The following SGCZ variants were observed in gnomAD, a reference collection of about 807,000 sequenced individuals.
SGCZ encodes the protein sarcoglycan zeta, also known as zeta-sarcoglycan.
In SGCZ, 40 loss-of-function variants were observed where a neutral mutation model predicts 41.3. The ratio of observed to expected loss-of-function variants is 0.97; its 90% CI spans 0.75 to 1.26. The LOEUF (loss-of-function observed/expected upper bound fraction) is 1.26. Among genes scored for constraint, SGCZ ranks in the 50% most tolerant of loss-of-function variants. The pLI is 0.00. For missense variants in SGCZ, 552 were observed against 369.8 expected, an observed-to-expected ratio of 1.49 and a Z score of -4.04; for synonymous variants, 206 against 137.5, an observed-to-expected ratio of 1.50 and a Z score of -3.49.
intron 1 of SGCZ, among the ~76,000 whole-genome samples, chr8:15,167,936 G>A (rs1204957207): frequency 2.0e-5 from 3 of 152,122 alleles, no homozygotes; most frequent in African/African-American, 4.8e-5. Flanking sequence ...AATAAATAGG[G>A]TGCCCATCAC....
intron 1 of SGCZ, among the ~76,000 whole-genome samples, chr8:14,748,524 T>C (rs1799404154): frequency 6.6e-6 from 1 of 152,142 alleles, no homozygotes; most frequent in Admixed American, 6.6e-5. Context: ...TTACAAAATA[T>C]GACTCTGCTT....
At chr8:14,425,977 C>T (rs1239317697) in intron 2 of SGCZ, among the ~76,000 whole-genome samples, 1 of 151,958 alleles carries the variant, frequency 6.6e-6, no homozygotes, top group Non-Finnish European at 1.5e-5. Context: ...TTTTAAAGCA[C>T]TTATGTACCT....
chr8:14,409,281 G>T (rs556617794), intron 2 of SGCZ, among the ~76,000 whole-genome samples: 1 of 152,092 alleles, frequency 6.6e-6, no homozygotes, highest in African/African-American at 2.4e-5. Flanking sequence ...ACTTTCTCCT[G>T]AAGATTTTCA....
intron 1 of SGCZ, among the ~76,000 whole-genome samples, chr8:14,575,705 G>C (rs1041872037): frequency 6.6e-6 from 1 of 151,888 alleles, no homozygotes; most frequent in Non-Finnish European, 1.5e-5. Flanking sequence ...TCAGGAGTTC[G>C]AGATCAGCCT....
intron 2 of SGCZ, among the ~76,000 whole-genome samples, chr8:14,350,193 A>G (rs1440780263): frequency 6.6e-6 from 1 of 152,086 alleles, no homozygotes; most frequent in East Asian, 1.9e-4. Flanking sequence ...TGGAGACATT[A>G]ATCTGTTTAT....
At chr8:14,309,059 C>T in intron 3 of SGCZ, 2 of 1,383,144 alleles carry the variant, frequency 1.4e-6, no homozygotes, top group Non-Finnish European at 2.0e-6. Flanking sequence ...TCTTAATTCC[C>T]CAACTACAGA....
At chr8:15,073,474 GT>G (rs1221116661) in intron 1 of SGCZ, among the ~76,000 whole-genome samples, 3 of 152,152 alleles carry the variant, frequency 2.0e-5, no homozygotes, top group Admixed American at 6.5e-5. Flanking sequence ...TTACATTTAT[GT>G]GTCAGCCTGG....
At chr8:14,707,004 G>C (rs149457101) in intron 1 of SGCZ, among the ~76,000 whole-genome samples, 67 of 150,000 alleles carry the variant, frequency 4.5e-4, no homozygotes, top group African/African-American at 1.6e-3. Flanking sequence ...TTAAGAGCAG[G>C]AGTGAAAGTT....
In SGCZ at chr8:14,669,220, T is replaced by C. The variant is rs572240179; in HGVS notation, c.40-114294A>G. Among the ~76,000 whole-genome samples the C allele has an allele frequency of 2.4e-3, 360 of 149,822 alleles. 2 individuals are homozygous for C. The highest frequency in any genetic ancestry group is 4.4e-3 in the Non-Finnish European group (297 of 67,398). On this transcript the variant is annotated intron_variant, in intron 1 of 7. Transcript: ENST00000382080. ...ATATATATATATATATAGCTGGGCA[T>C]AGTAGCTTGCACCTGTAATCCCAGC...
chr8:14,432,978 A>G (rs1799988562), intron 2 of SGCZ, among the ~76,000 whole-genome samples: 1 of 151,298 alleles, frequency 6.6e-6, no homozygotes, highest in Non-Finnish European at 1.5e-5. Context: ...CTGTTCTCCA[A>G]TAACCTATGG....
At chr8:14,321,474 A>C (rs996924512) in intron 3 of SGCZ, among the ~76,000 whole-genome samples, 1 of 152,046 alleles carries the variant, frequency 6.6e-6, no homozygotes, top group Non-Finnish European at 1.5e-5. Context: ...GGGTGACTGC[A>C]TCTTCTGTTC....
chr8:14,423,479 C>A (rs117100837), intron 2 of SGCZ, among the ~76,000 whole-genome samples: 3,044 of 152,074 alleles, frequency 0.02, 62 homozygotes, highest in African/African-American at 0.038. Flanking sequence ...TGCAATGGTG[C>A]AATGTCGACT....
intron 4 of SGCZ, among the ~76,000 whole-genome samples, chr8:14,233,383 T>C (rs979617570): frequency 6.6e-5 from 10 of 151,646 alleles, no homozygotes; most frequent in African/African-American, 2.4e-4. Flanking sequence ...TACTTATAAA[T>C]GTAGTTTAAA....
At chr8:14,458,881 G>A (rs1371475716) in intron 2 of SGCZ, among the ~76,000 whole-genome samples, 2 of 152,092 alleles carry the variant, frequency 1.3e-5, no homozygotes, top group Admixed American at 1.3e-4. Context: ...AGAGCTTCTT[G>A]GAGAAGTTGC....
intron 1 of SGCZ, among the ~76,000 whole-genome samples, chr8:15,073,018 C>T (rs951203129): frequency 2.0e-5 from 3 of 152,050 alleles, no homozygotes; most frequent in African/African-American, 7.2e-5. Flanking sequence ...CTAAGAACTG[C>T]TGAACAGAAG....
intron 1 of SGCZ, among the ~76,000 whole-genome samples, chr8:14,773,201 T>C (rs1800302271): frequency 6.6e-6 from 1 of 152,214 alleles, no homozygotes; most frequent in Non-Finnish European, 1.5e-5. Context: ...TTTTTTCATG[T>C]GTCTTTTGGC....
intron 4 of SGCZ, among the ~76,000 whole-genome samples, chr8:14,170,072 ACTTTTC>A (rs925092733): frequency 5.3e-4 from 52 of 98,890 alleles, no homozygotes; most frequent in African/African-American, 1.6e-3. Flanking sequence ...TTTTTTTTTT[ACTTTTC>A]CTTTATTCTT....
intron 1 of SGCZ, among the ~76,000 whole-genome samples, chr8:15,160,580 T>C (rs76088492): frequency 0.058 from 8,809 of 152,260 alleles, 364 homozygotes; most frequent in Non-Finnish European, 0.093. Context: ...TATTCAACAT[T>C]TTTTTTCGGT....
chr8:14,996,349 TG>T (rs1236944248), intron 1 of SGCZ, among the ~76,000 whole-genome samples: 1 of 152,302 alleles, frequency 6.6e-6, no homozygotes, highest in African/African-American at 2.4e-5. Flanking sequence ...TGCAACCAAA[TG>T]AGGGGTGATG....
Sources: gnomAD v4.1 joint callset for allele counts (sites outside exome capture counted in the v4.1 genomes callset) on GRCh38, gnomAD v4.1.1 for gene constraint, MANE v1.5 for transcripts, NCBI Gene and HGNC (gene_info 2026-07-23, HGNC 2026-07-21) for gene names.